The following BCL9 variants were observed in gnomAD, a reference collection of about 807,000 sequenced individuals.
The protein encoded by BCL9 is B-cell CLL/lymphoma 9 protein.
BCL9 carries 25 observed loss-of-function variants against 88.5 expected under a neutral mutation model. That is an observed-to-expected ratio of 0.28 (90% CI 0.21 to 0.39). BCL9 has a LOEUF of 0.39. BCL9 is among the 10% of genes least tolerant of loss of function. The pLI is 1.00. For missense variants in BCL9, 1,817 were observed against 1,877.8 expected (o/e 0.97, Z 0.60); for synonymous variants, 711 against 673.3 (o/e 1.06, Z -0.87).
chr1:147,619,715 G>A lies in BCL9; in HGVS notation c.1560G>A (p.Met520Ile). The change falls in exon 8 of 10, where the codon ATG becomes ATA. Residue 520 changes from methionine (M) to isoleucine (I), a missense_variant. Physicochemically the swap from Met to Ile is conservative, Grantham distance 10. This residue lies in a region of BCL9 where 1,228 missense variants were observed against 1,191.6 expected (regional missense o/e 1.03). Transcript: ENST00000234739. The surrounding 1 kb of genome is among the most constrained non-coding windows in gnomAD (Gnocchi z 4.1). ...VVRGPPPPYQ[M>I]TPSEGWAPGG... ...GAGGACCCCCCCCTCCATACCAGAT[G>A]ACCCCTAGTGAAGGCTGGGCACCTG... 1.9e-6 allele frequency: 3 copies of A among 1,614,000 alleles called. No individual in the cohort carries two copies. Among genetic ancestry groups the A allele is most frequent in the Non-Finnish European group, 2.5e-6 (3 of 1,180,004 alleles).
chr1:147,574,249 G>A lies in BCL9; in HGVS notation c.-477-30528G>A, dbSNP rs587665069. Among the ~76,000 whole-genome samples, 4 of 152,262 alleles carry A rather than the reference G, an allele frequency of 2.6e-5. No individual in the cohort carries two copies. In the South Asian group the frequency reaches 8.3e-4, roughly 32 times the overall value. ...AAAGGCACTCTGGACAAGGCTGTGT[G>A]GGGGTCAGCTTTTGCCACTGTGTCC... On this transcript the variant is annotated intron_variant, in intron 1 of 9. Transcript: ENST00000234739.
At chr1:147,616,060 TCATA>T (rs1393681740) in intron 7 of BCL9, among the ~76,000 whole-genome samples, 158 bp downstream of exon 7, 1 of 152,210 alleles carries the variant, frequency 6.6e-6, no homozygotes, top group Non-Finnish European at 1.5e-5. Context: ...ATTAGGCATA[TCATA>T]CTATACTAGC....
chr1:147,603,053 A>G (rs1202383053), intron 1 of BCL9, among the ~76,000 whole-genome samples: 1 of 152,232 alleles, frequency 6.6e-6, no homozygotes, highest in East Asian at 1.9e-4. Flanking sequence ...CCTAACTGCA[A>G]AGTGCTCTGA....
chr1:147,585,343 T>C (rs1454970953), intron 1 of BCL9, among the ~76,000 whole-genome samples: 1 of 152,194 alleles, frequency 6.6e-6, no homozygotes, highest in Non-Finnish European at 1.5e-5. Context: ...GAATATTTTA[T>C]ATGGCACCAT....
intron 6 of BCL9, 48 bp from the exon 7 acceptor site, chr1:147,615,755 T>C: frequency 2.0e-6 from 3 of 1,485,206 alleles, no homozygotes; most frequent in Non-Finnish European, 1.9e-6. Context: ...TTACAGTTAG[T>C]GAAATAGAAA....
At chr1:147,579,676 A>C (rs1280176533) in intron 1 of BCL9, among the ~76,000 whole-genome samples, 2 of 152,206 alleles carry the variant, frequency 1.3e-5, no homozygotes, top group African/African-American at 4.8e-5. Context: ...TTTCCTCAGT[A>C]AGATCATTTC....
In BCL9 at chr1:147,619,250, T is replaced by C; in HGVS notation, c.1095T>C (p.Thr365=). 6.2e-7 allele frequency: 1 copy of C among 1,613,990 alleles called. No individual in the cohort carries two copies. Among genetic ancestry groups the C allele is most frequent in the Non-Finnish European group, 8.5e-7 (1 of 1,180,016 alleles). The stretch of plus-strand genomic sequence containing the variant: ...AGCACCGGGAGCGCTCCTTACAAAC[T>C]CTCAGAGATATCCAGCGCATGCTTT... ...QLEHRERSLQ[T]LRDIQRMLFP... Residue 365 remains threonine, a synonymous_variant, in exon 8 of 10, where the codon ACT becomes ACC. Transcript: ENST00000234739. The surrounding 1 kb of genome is among the most constrained non-coding windows in gnomAD (Gnocchi z 4.1).
chr1:147,572,063 C>A (rs368033844), intron 1 of BCL9, among the ~76,000 whole-genome samples: 2 of 121,230 alleles, frequency 1.6e-5, no homozygotes, highest in African/African-American at 6.0e-5. Flanking sequence ...CACGGTGAAA[C>A]CCCGTCTGTA....
chr1:147,567,256 C>T (rs1047427472), intron 1 of BCL9, among the ~76,000 whole-genome samples: 8 of 151,996 alleles, frequency 5.3e-5, no homozygotes, highest in Non-Finnish European at 7.4e-5. Flanking sequence ...CGAGTGAATT[C>T]GTGGACTGTA....
At chr1:147,593,679 T>G (rs1656934063) in intron 1 of BCL9, among the ~76,000 whole-genome samples, 1 of 152,226 alleles carries the variant, frequency 6.6e-6, no homozygotes, top group Non-Finnish European at 1.5e-5. Flanking sequence ...CTTTTTTTTC[T>G]TATTAATGAA....
chr1:147,576,210 A>G (rs587625090), intron 1 of BCL9, among the ~76,000 whole-genome samples: 7 of 152,314 alleles, frequency 4.6e-5, no homozygotes, highest in East Asian at 1.9e-4. Context: ...AAGTTTTAAC[A>G]TAATTATTAA....
At chr1:147,583,919 C>G (rs1488219380) in intron 1 of BCL9, among the ~76,000 whole-genome samples, 1 of 151,860 alleles carries the variant, frequency 6.6e-6, no homozygotes, top group African/African-American at 2.4e-5. Flanking sequence ...CGCCACTGCC[C>G]TCCCTCCAGC....
chr1:147,599,496 C>CA (rs1355266902), intron 1 of BCL9, among the ~76,000 whole-genome samples: 2 of 132,242 alleles, frequency 1.5e-5, no homozygotes, highest in African/African-American at 8.7e-5. Context: ...GGCCCCCCGC[C>CA]CCCCTCGGTT....
intron 1 of BCL9, among the ~76,000 whole-genome samples, chr1:147,594,205 G>A (rs1240969109): frequency 2.0e-5 from 3 of 152,182 alleles, no homozygotes; most frequent in African/African-American, 7.2e-5. Context: ...TCTGGCAAGA[G>A]CATGTAGAAT....
intron 1 of BCL9, among the ~76,000 whole-genome samples, chr1:147,558,027 A>T (rs1192558595): frequency 6.6e-6 from 1 of 152,090 alleles, no homozygotes; most frequent in Non-Finnish European, 1.5e-5. Flanking sequence ...AAAGAAAAAA[A>T]ACATACCCAG....
chr1:147,550,750 G>C (rs1553194724), intron 1 of BCL9, among the ~76,000 whole-genome samples: 1 of 152,156 alleles, frequency 6.6e-6, no homozygotes, highest in Non-Finnish European at 1.5e-5. Context: ...TGTAACTTCT[G>C]GAACAGTCTG....
At chr1:147,574,837 A>G (rs1656037316) in intron 1 of BCL9, among the ~76,000 whole-genome samples, 1 of 152,190 alleles carries the variant, frequency 6.6e-6, no homozygotes, top group Non-Finnish European at 1.5e-5. Context: ...GACAAAAAAG[A>G]TATGGGGACC....
chr1:147,600,214 C>CG (rs1557845955), intron 1 of BCL9: 1 of 161,752 alleles, frequency 6.2e-6, no homozygotes, highest in Non-Finnish European at 1.3e-5. Flanking sequence ...CTGCCGCCGC[C>CG]GGGGGGAGAC....
intron 1 of BCL9, among the ~76,000 whole-genome samples, chr1:147,592,499 T>C (rs946635347): frequency 2.6e-5 from 4 of 152,310 alleles, no homozygotes; most frequent in African/African-American, 9.6e-5. Flanking sequence ...AGATAACTTA[T>C]TAAAATGAAA....
Sources: gnomAD v4.1 joint callset for allele counts (sites outside exome capture counted in the v4.1 genomes callset) on GRCh38, gnomAD v4.1.1 for gene constraint, gnomAD v4.1.1 regional missense constraint, Gnocchi (gnomAD v3.1) non-coding constraint, MANE v1.5 for transcripts, NCBI Gene and HGNC (gene_info 2026-07-23, HGNC 2026-07-21) for gene names.